SUCLG2: variants seen among roughly 807,000 people sequenced by gnomAD.
The protein encoded by SUCLG2 is succinate--CoA ligase [GDP-forming] subunit beta, mitochondrial.
SUCLG2 carries 42 observed loss-of-function variants against 47.9 expected under a neutral mutation model. The observed-to-expected ratio is 0.88, with a 90% CI of 0.69 to 1.14. SUCLG2 has a LOEUF of 1.14. SUCLG2 is among the 50% of genes most tolerant of loss of function. SUCLG2 has a pLI of 0.00. For synonymous variants in SUCLG2, 195 were observed against 197.3 expected, an observed-to-expected ratio of 0.99 and a Z score of 0.10; for missense variants, 571 against 525.9, an observed-to-expected ratio of 1.09 and a Z score of -0.84.
chr3:67,444,995 T>TG (rs1491304247), intron 9 of SUCLG2, among the ~76,000 whole-genome samples: 1 of 31,884 alleles, frequency 3.1e-5, no homozygotes, highest in African/African-American at 1.2e-4. Flanking sequence ...GGAGGGAGGT[T>TG]GGGGGGTCAG....
At chr3:67,569,315 C>T (rs1430943011) in intron 2 of SUCLG2, among the ~76,000 whole-genome samples, 1 of 152,202 alleles carries the variant, frequency 6.6e-6, no homozygotes, top group Admixed American at 6.5e-5. Context: ...TGCCTGTCTC[C>T]CCAAGTAGAC....
intron 10 of SUCLG2, among the ~76,000 whole-genome samples, chr3:67,363,787 C>A (rs1701840209): frequency 6.6e-6 from 1 of 151,312 alleles, no homozygotes; most frequent in Non-Finnish European, 1.5e-5. Flanking sequence ...CTTCCTCCCC[C>A]TCCCCCCAAC....
At chr3:67,393,212 G>A (rs982773418) in intron 10 of SUCLG2, among the ~76,000 whole-genome samples, 27 of 152,250 alleles carry the variant, frequency 1.8e-4, no homozygotes, top group African/African-American at 6.0e-4. Flanking sequence ...CCAAAGCAGG[G>A]CGAGGCATTG....
At chr3:67,582,087 C>T (rs1210240898) in intron 2 of SUCLG2, among the ~76,000 whole-genome samples, 1 of 152,124 alleles carries the variant, frequency 6.6e-6, no homozygotes, top group Non-Finnish European at 1.5e-5. Flanking sequence ...TTGCCATGTG[C>T]ATGGCATATT....
intron 7 of SUCLG2, among the ~76,000 whole-genome samples, chr3:67,505,324 C>T (rs991365712): frequency 6.6e-6 from 1 of 152,200 alleles, no homozygotes; most frequent in Non-Finnish European, 1.5e-5. Context: ...TTCCCTGTTA[C>T]AGGAATATAA....
At chr3:67,372,518 A>G (rs184024238), downstream of SUCLG2, among the ~76,000 whole-genome samples, 25 of 152,332 alleles carry the variant, frequency 1.6e-4, no homozygotes, top group African/African-American at 4.8e-4. Flanking sequence ...TAATATTCAT[A>G]GCCATGATTT....
At chr3:67,502,954 G>A (rs1559550000) in intron 7 of SUCLG2, among the ~76,000 whole-genome samples, 1 of 152,172 alleles carries the variant, frequency 6.6e-6, no homozygotes, top group African/African-American at 2.4e-5. Flanking sequence ...CTGTGCATAA[G>A]GCCAAGGCTA....
intron 9 of SUCLG2, among the ~76,000 whole-genome samples, chr3:67,441,214 T>A (rs555338762): frequency 6.6e-6 from 1 of 150,702 alleles, no homozygotes; most frequent in Admixed American, 6.6e-5. Context: ...CATCACACAC[T>A]GGGGCCTGTC....
At chr3:67,436,671 A>T (rs972751201) in intron 9 of SUCLG2, among the ~76,000 whole-genome samples, 4 of 152,218 alleles carry the variant, frequency 2.6e-5, no homozygotes, top group African/African-American at 9.6e-5. Context: ...ACTTTTCATC[A>T]GCAAGTGTTA....
intron 5 of SUCLG2, among the ~76,000 whole-genome samples, chr3:67,519,104 T>G (rs2107124716): frequency 6.6e-6 from 1 of 152,254 alleles, no homozygotes; most frequent in Non-Finnish European, 1.5e-5. Flanking sequence ...ACTGTCTCTG[T>G]GTAGTCTACA....
chr3:67,398,073 G>C lies in SUCLG2; in HGVS notation c.1183+2658C>G, dbSNP rs1334353249. Reference sequence around the variant, plus strand: ...AACTAAAACCATAAAAACCCTAGAAGAAAACCTCGGCATTACCATTCAGGA... The same window carrying C: ...AACTAAAACCATAAAAACCCTAGAACAAAACCTCGGCATTACCATTCAGGA... On this transcript the variant is annotated intron_variant, in intron 10 of 10. Transcript: ENST00000307227. 1.3e-5 allele frequency among the ~76,000 whole-genome samples: 2 copies of C among 150,224 alleles called. 1 individual carries two copies. The highest frequency in any genetic ancestry group is 4.9e-5 in the African/African-American group (2 of 40,778).
At chr3:67,526,367 T>C (rs191552437) in intron 4 of SUCLG2, among the ~76,000 whole-genome samples, 348 of 152,346 alleles carry the variant, frequency 2.3e-3, no homozygotes, top group Non-Finnish European at 3.5e-3. Context: ...AAAGCCATCC[T>C]GGGATGCCTG....
At chr3:67,567,728 G>A (rs1707496397) in intron 2 of SUCLG2, among the ~76,000 whole-genome samples, 1 of 152,016 alleles carries the variant, frequency 6.6e-6, no homozygotes, top group African/African-American at 2.4e-5. Context: ...CCCTAAAATT[G>A]ATTTTTCCCC....
chr3:67,395,383 A>G (rs1702500026), intron 10 of SUCLG2, among the ~76,000 whole-genome samples: 1 of 152,366 alleles, frequency 6.6e-6, no homozygotes, highest in South Asian at 2.1e-4. Flanking sequence ...CTAGTCTCTG[A>G]TAAAACAGAC....
chr3:67,469,243 G>A (rs574591834), intron 9 of SUCLG2, among the ~76,000 whole-genome samples: 20 of 152,284 alleles, frequency 1.3e-4, no homozygotes, highest in African/African-American at 3.8e-4. Context: ...CAAAAGCAGC[G>A]GGAGCTAAAC....
At chr3:67,393,191 C>G (rs1467471796) in intron 10 of SUCLG2, among the ~76,000 whole-genome samples, 1 of 152,226 alleles carries the variant, frequency 6.6e-6, no homozygotes, top group African/African-American at 2.4e-5. Context: ...GTGCAGCGCA[C>G]CATGCACGAG....
intron 7 of SUCLG2, among the ~76,000 whole-genome samples, chr3:67,503,039 T>G (rs1705541586): frequency 6.6e-6 from 1 of 152,190 alleles, no homozygotes; most frequent in Non-Finnish European, 1.5e-5. Context: ...CCAGCCCTAT[T>G]TTTATGAATA....
chr3:67,552,664 C>CT (rs1707047961), intron 2 of SUCLG2, among the ~76,000 whole-genome samples: 2 of 152,338 alleles, frequency 1.3e-5, no homozygotes, highest in South Asian at 4.1e-4. Context: ...GGATAAGTCA[C>CT]TTAACCTCCA....
intron 9 of SUCLG2, among the ~76,000 whole-genome samples, chr3:67,415,687 T>A (rs1233054781): frequency 6.6e-6 from 1 of 152,236 alleles, no homozygotes; most frequent in African/African-American, 2.4e-5. Context: ...ATACACCAGA[T>A]GCAACACATT....
Sources: allele counts gnomAD v4.1 joint callset (sites outside exome capture counted in the v4.1 genomes callset), GRCh38; gene constraint gnomAD v4.1.1; transcripts MANE v1.5; gene names NCBI Gene and HGNC (gene_info 2026-07-23, HGNC 2026-07-21).